The following GALNTL6 variants were observed in gnomAD, a reference collection of about 807,000 sequenced individuals.
GALNTL6 encodes the protein polypeptide N-acetylgalactosaminyltransferase-like 6.
In GALNTL6, 46 loss-of-function variants were observed where a neutral mutation model predicts 73.7. The ratio of observed to expected loss-of-function variants is 0.62; its 90% confidence interval spans 0.49 to 0.80. The LOEUF is 0.80. Among genes scored for constraint, GALNTL6 ranks in the 30% least tolerant of loss-of-function variants. GALNTL6 has a pLI of 0.00. For synonymous variants in GALNTL6, 259 were observed against 263.7 expected, an observed-to-expected ratio of 0.98 and a Z score of 0.17; for missense variants, 604 against 755.0, an observed-to-expected ratio of 0.80 and a Z score of 2.34.
At chr4:172,565,084 C>G (rs1421291351) in intron 5 of GALNTL6, among the ~76,000 whole-genome samples, 1 of 152,168 alleles carries the variant, frequency 6.6e-6, no homozygotes, top group African/African-American at 2.4e-5. Context: ...TTGCTGTGCT[C>G]TCACATGGAA....
At chr4:172,394,428 C>CTTCT (rs1743773131) in intron 5 of GALNTL6, among the ~76,000 whole-genome samples, 2 of 120,182 alleles carry the variant, frequency 1.7e-5, no homozygotes, top group African/African-American at 6.7e-5. Context: ...TCTTCTTCTT[C>CTTCT]TTTTTTTTTT....
chr4:172,851,848 C>T (rs1175183639), intron 7 of GALNTL6, among the ~76,000 whole-genome samples: 1 of 152,014 alleles, frequency 6.6e-6, no homozygotes, highest in Non-Finnish European at 1.5e-5. Flanking sequence ...TTCTAAGTAG[C>T]CCCAATATTT....
At chr4:171,986,249 G>A (rs1158865496) in intron 2 of GALNTL6, among the ~76,000 whole-genome samples, 2 of 151,592 alleles carry the variant, frequency 1.3e-5, no homozygotes, top group Admixed American at 1.3e-4. Flanking sequence ...TAGGATTTGG[G>A]TAGATAAAGG....
chr4:172,138,490 T>TATATAC lies in GALNTL6; in HGVS notation c.139-91161_139-91160insCATATA, dbSNP rs1368814758. 2.6e-3 allele frequency among the ~76,000 whole-genome samples: 17 copies of TATATAC among 6,568 alleles called. 1 individual carries two copies. Among genetic ancestry groups the TATATAC allele is most frequent in the Non-Finnish European group, 6.9e-3 (12 of 1,736 alleles). The allele number at this position is 6,568 out of a possible 152,430, so 4.3% of individuals were successfully genotyped here. ...TACTTGGACTGCCTATATATATATATATATATATATATATATATATATATT... is the reference window on the plus strand; with the variant it reads ...TACTTGGACTGCCTATATATATATATATATACATATATATATATATATATATATATT... On this transcript the variant is annotated intron_variant, in intron 2 of 12. Coordinates refer to ENST00000506823, the MANE Select transcript of GALNTL6 (RefSeq NM_001034845.3).
intron 5 of GALNTL6, among the ~76,000 whole-genome samples, chr4:172,778,098 A>T (rs906514927): frequency 8.5e-5 from 13 of 152,234 alleles, no homozygotes; most frequent in African/African-American, 2.9e-4. Flanking sequence ...TTCTCATATA[A>T]ATTGTTTCCA....
At chr4:172,738,433 G>T (rs1736595084) in intron 5 of GALNTL6, among the ~76,000 whole-genome samples, 1 of 152,030 alleles carries the variant, frequency 6.6e-6, no homozygotes, top group South Asian at 2.1e-4. Flanking sequence ...TTGTAATGGG[G>T]AATGAAGCCA....
chr4:172,208,759 ACT>A (rs895428456), intron 2 of GALNTL6, among the ~76,000 whole-genome samples: 4 of 152,104 alleles, frequency 2.6e-5, no homozygotes, highest in African/African-American at 7.2e-5. Context: ...GTTTGGTCAA[ACT>A]CTACCTGAAC....
chr4:172,609,886 G>T (rs939454964), intron 5 of GALNTL6, among the ~76,000 whole-genome samples: 2 of 151,564 alleles, frequency 1.3e-5, no homozygotes, highest in Non-Finnish European at 2.9e-5. Context: ...TTATTGGTCT[G>T]TTCAGGGATT....
At chr4:172,924,895 CAG>C (rs1180630251) in intron 8 of GALNTL6, among the ~76,000 whole-genome samples, 3 of 152,100 alleles carry the variant, frequency 2.0e-5, no homozygotes, top group Non-Finnish European at 2.9e-5. Flanking sequence ...TTTTTCGAGA[CAG>C]AGTTTGGCTC....
chr4:172,996,072 C>T (rs1751764299), intron 10 of GALNTL6, among the ~76,000 whole-genome samples: 1 of 152,000 alleles, frequency 6.6e-6, no homozygotes, highest in Admixed American at 6.6e-5. Context: ...AGGACAAATG[C>T]ATGATATGTT....
At chr4:172,330,728 C>A (rs1406615982) in intron 4 of GALNTL6, among the ~76,000 whole-genome samples, 1 of 152,130 alleles carries the variant, frequency 6.6e-6, no homozygotes, top group African/African-American at 2.4e-5. Flanking sequence ...TTACCAATTT[C>A]ATTAAATTTG....
At chr4:171,971,823 C>T (rs1318475866) in intron 2 of GALNTL6, among the ~76,000 whole-genome samples, 1 of 152,014 alleles carries the variant, frequency 6.6e-6, no homozygotes, top group Admixed American at 6.6e-5. Flanking sequence ...AATTAACAGT[C>T]ATTTTAGTCA....
chr4:172,002,208 C>CA (rs965536573), intron 2 of GALNTL6, among the ~76,000 whole-genome samples: 3 of 152,176 alleles, frequency 2.0e-5, no homozygotes, highest in African/African-American at 7.2e-5. Context: ...TGGTCCCTAT[C>CA]AAATTCATAT....
At chr4:172,441,338 A>G (rs1731831419) in intron 5 of GALNTL6, among the ~76,000 whole-genome samples, 1 of 152,122 alleles carries the variant, frequency 6.6e-6, no homozygotes, top group South Asian at 2.1e-4. Flanking sequence ...TGGACAGTTA[A>G]TCTTTATTAT....
chr4:172,025,938 T>A lies in GALNTL6; in HGVS notation c.139-203718T>A, dbSNP rs1741559851. On this transcript the variant is annotated intron_variant, in intron 2 of 12. Coordinates refer to ENST00000506823, the MANE Select transcript of GALNTL6 (RefSeq NM_001034845.3). ...CAAGTCTTATTTCTAGAACAGAATA[T>A]TGACTTGGAGCTATCATCTAAGCCA... Among the ~76,000 whole-genome samples the A allele has an allele frequency of 2.6e-5, 4 of 152,018 alleles. No homozygotes were observed. The South Asian group carries it at 8.3e-4, about 32-fold the overall frequency.
intron 5 of GALNTL6, among the ~76,000 whole-genome samples, chr4:172,764,651 G>T (rs1738303525): frequency 6.6e-6 from 1 of 152,124 alleles, no homozygotes; most frequent in Non-Finnish European, 1.5e-5. Flanking sequence ...CAGAAAGTAT[G>T]ATGGTATCCT....
intron 4 of GALNTL6, among the ~76,000 whole-genome samples, chr4:172,345,865 G>T (rs1239745337): frequency 6.6e-6 from 1 of 152,206 alleles, no homozygotes; most frequent in Non-Finnish European, 1.5e-5. Context: ...GGCAACCGAG[G>T]TGTAATCCTG....
intron 2 of GALNTL6, among the ~76,000 whole-genome samples, chr4:172,177,819 G>GTA (rs1242145425): frequency 1.2e-4 from 16 of 131,420 alleles, no homozygotes; most frequent in South Asian, 6.8e-4. Context: ...ATATGTGTGT[G>GTA]TATATATACA....
intron 5 of GALNTL6, among the ~76,000 whole-genome samples, chr4:172,456,195 G>T (rs1732392550): frequency 6.6e-6 from 1 of 151,976 alleles, no homozygotes; most frequent in African/African-American, 2.4e-5. Context: ...ACCATCCAAA[G>T]GTCACCAACA....
Sources: gnomAD v4.1 joint callset for allele counts (sites outside exome capture counted in the v4.1 genomes callset) on GRCh38, gnomAD v4.1.1 for gene constraint, MANE v1.5 for transcripts, NCBI Gene and HGNC (gene_info 2026-07-23, HGNC 2026-07-21) for gene names.